The following SPATA13 variants were observed in gnomAD, a reference collection of about 807,000 sequenced individuals.
SPATA13 encodes spermatogenesis-associated protein 13.
Under a neutral mutation model 104.0 loss-of-function variants are expected in SPATA13, and 50 were observed. The observed-to-expected ratio is 0.48, with a 90% CI of 0.38 to 0.61. SPATA13 has a LOEUF of 0.61. Among genes scored for constraint, SPATA13 ranks in the 20% least tolerant of loss-of-function variants. SPATA13 has a pLI of 0.00. For synonymous variants in SPATA13, 606 were observed against 667.5 expected (o/e 0.91, Z 1.42); for missense variants, 1,524 against 1,690.6 (o/e 0.90, Z 1.73).
intron 1 of SPATA13, among the ~76,000 whole-genome samples, chr13:24,209,735 TA>T (rs1870909283): frequency 6.6e-6 from 1 of 152,106 alleles, no homozygotes; most frequent in Non-Finnish European, 1.5e-5. Context: ...CAAGGGGGTG[TA>T]GACGTCTTTT....
intron 3 of SPATA13, among the ~76,000 whole-genome samples, chr13:24,077,219 C>T (rs1015958627): frequency 4.7e-5 from 6 of 127,870 alleles, no homozygotes; most frequent in South Asian, 2.4e-4. Flanking sequence ...AATTTTCCTA[C>T]GAGAAATAGC....
intron 2 of SPATA13, among the ~76,000 whole-genome samples, chr13:24,248,573 G>A (rs548980529): frequency 1.3e-5 from 2 of 152,290 alleles, no homozygotes; most frequent in East Asian, 3.9e-4. Context: ...GTTGTGACTT[G>A]TCCCAGCTCA....
At chr13:24,187,253 AT>A (rs1039658127) in intron 1 of SPATA13, among the ~76,000 whole-genome samples, 35 of 152,310 alleles carry the variant, frequency 2.3e-4, no homozygotes, top group African/African-American at 8.2e-4. Flanking sequence ...TGTTGCAGTC[AT>A]CCCTGCCTCA....
At chr13:24,035,261 TCTCGTGCCTCAGCCTC>T (rs113384106) in intron 3 of SPATA13, among the ~76,000 whole-genome samples, 4,154 of 152,278 alleles carry the variant, frequency 0.027, 184 homozygotes, top group African/African-American at 0.095. Flanking sequence ...TTCAGGCAAT[TCTCGTGCCTCAGCCTC>T]CCGAGTAGCT....
intron 1 of SPATA13, among the ~76,000 whole-genome samples, chr13:24,187,867 C>A (rs1197754142): frequency 6.6e-6 from 1 of 152,080 alleles, no homozygotes; most frequent in African/African-American, 2.4e-5. Context: ...CTACAATAAC[C>A]TCTAAGTGTT....
intron 2 of SPATA13, among the ~76,000 whole-genome samples, chr13:24,015,240 T>G (rs4770548): frequency 0.91 from 137,850 of 152,152 alleles, 62,649 homozygotes; most frequent in East Asian, 1. Context: ...TAACGAGAGA[T>G]GAATAGATAC....
chr13:24,220,183 G>GCACTGAAGTACAGAT (rs1193897301), intron 1 of SPATA13, among the ~76,000 whole-genome samples: 11 of 152,170 alleles, frequency 7.2e-5, no homozygotes, highest in Admixed American at 5.2e-4. Context: ...TCTGTAGACA[G>GCACTGAAGTACAGAT]CACTGAAATA....
intron 2 of SPATA13, among the ~76,000 whole-genome samples, chr13:24,243,657 G>A (rs1872964670): frequency 6.6e-6 from 1 of 152,102 alleles, no homozygotes; most frequent in African/African-American, 2.4e-5. Flanking sequence ...GATTAAGCAA[G>A]GTAAAATGTG....
At chr13:24,191,752 C>T (rs550319680) in intron 1 of SPATA13, among the ~76,000 whole-genome samples, 55 of 151,966 alleles carry the variant, frequency 3.6e-4, no homozygotes, top group South Asian at 2.1e-3. Flanking sequence ...CCTTGTGATC[C>T]GCCCGCCTCA....
chr13:24,079,030 G>A (rs1177089237), intron 3 of SPATA13, among the ~76,000 whole-genome samples: 3 of 152,182 alleles, frequency 2.0e-5, no homozygotes, highest in Non-Finnish European at 4.4e-5. Context: ...ACAGTTCACC[G>A]GATTTGGCCT....
chr13:24,079,873 C>T (rs538039715), intron 3 of SPATA13, among the ~76,000 whole-genome samples: 2 of 152,128 alleles, frequency 1.3e-5, no homozygotes, highest in Non-Finnish European at 2.9e-5. Context: ...GATGGGGATA[C>T]TCATACACTG....
At position 24,071,004 on chromosome 13, in the gene SPATA13, G is replaced by A. The variant is rs74765051; in HGVS notation, c.-112+53303G>A. On this transcript the variant is annotated intron_variant, in intron 3 of 14. Coordinates refer to the SPATA13 transcript ENST00000424834. ...TCCTTCCCTTTATGTATATGTCTAC[G>A]TCTGTGTTAATGTCTATATCTGTGT... Among the ~76,000 whole-genome samples the A allele has an allele frequency of 3.6e-3, 550 of 152,224 alleles. 15 individuals carry two copies. The East Asian group carries it at 0.062, about 17-fold the overall frequency.
In SPATA13 at chr13:24,251,550, A is replaced by T. The variant is rs1375675680; in HGVS notation, c.2020-168A>T. On this transcript the variant is annotated intron_variant, in intron 3 of 12. Transcript: ENST00000382108. ...GATCAGGATTGTTAAAAACTGTAGCATCATGAGTTGCCACTGGGCTTCGGT... is the reference window on the plus strand; with the variant it reads ...GATCAGGATTGTTAAAAACTGTAGCTTCATGAGTTGCCACTGGGCTTCGGT... 4 of 1,471,486 alleles carry T rather than the reference A, an allele frequency of 2.7e-6. No individual in the cohort carries two copies. The African/African-American group carries it at 5.6e-5, about 21-fold the overall frequency. The allele number at this position is 1,471,486 out of a possible 1,614,324, so 91.2% of individuals were successfully genotyped here. A position where few individuals can be genotyped will look rare whatever the true frequency, so the allele number is the denominator to read the frequency against.
chr13:24,059,591 T>C (rs980343647), intron 3 of SPATA13, among the ~76,000 whole-genome samples: 1 of 152,254 alleles, frequency 6.6e-6, no homozygotes, highest in Non-Finnish European at 1.5e-5. Context: ...TGAGGACAGA[T>C]ACTTTCATTT....
Position 24,017,795 on chromosome 13 carries a change from T to A in SPATA13, c.-112+94T>A, listed in dbSNP as rs1488084831. 3 of 671,994 alleles carry A rather than the reference T, an allele frequency of 4.5e-6. No homozygotes were observed. In the African/African-American group the frequency reaches 5.9e-5, roughly 13 times the overall value. The allele number at this position is 671,994 out of a possible 1,614,324, so 41.6% of individuals were successfully genotyped here. On this transcript the variant is annotated intron_variant, in intron 3 of 14. Transcript: ENST00000424834. The stretch of plus-strand genomic sequence containing the variant: ...TTTGCAGATTGTATAATCTGTATGT[T>A]AACTCCGTAATCCATATGTTACCTC...
intron 1 of SPATA13, among the ~76,000 whole-genome samples, chr13:24,206,233 AAAC>A (rs1331796947): frequency 6.6e-6 from 1 of 152,158 alleles, no homozygotes; most frequent in Non-Finnish European, 1.5e-5. Flanking sequence ...TACAAGAAAA[AAAC>A]AACACCATTA....
chr13:24,187,287 G>A (rs1029440137), intron 1 of SPATA13, among the ~76,000 whole-genome samples: 2 of 152,130 alleles, frequency 1.3e-5, no homozygotes, highest in African/African-American at 4.8e-5. Context: ...AGTCATGACT[G>A]GAGGTAGATG....
At chr13:24,025,807 T>C (rs1191300651) in intron 3 of SPATA13, among the ~76,000 whole-genome samples, 3 of 97,242 alleles carry the variant, frequency 3.1e-5, no homozygotes, top group Non-Finnish European at 4.2e-5. Flanking sequence ...CTTTCTTTCT[T>C]TCTTTCTTTT....
intron 1 of SPATA13, among the ~76,000 whole-genome samples, chr13:24,215,198 A>T (rs138946560): frequency 6.6e-6 from 1 of 152,218 alleles, no homozygotes; most frequent in Non-Finnish European, 1.5e-5. Flanking sequence ...TGGTGGCATC[A>T]TGTCACATGA....
Sources: gnomAD v4.1 joint callset for allele counts (sites outside exome capture counted in the v4.1 genomes callset) on GRCh38, gnomAD v4.1.1 for gene constraint, MANE v1.5 for transcripts, NCBI Gene and HGNC (gene_info 2026-07-23, HGNC 2026-07-21) for gene names.